Variants in CNTN5 observed in about 807,000 individuals in gnomAD.
CNTN5 encodes contactin 5.
Under a neutral mutation model 129.1 loss-of-function variants are expected in CNTN5, and 77 were observed. The observed-to-expected ratio is 0.60, with a 90% CI of 0.50 to 0.72. CNTN5 has a LOEUF of 0.72. Ranked by LOEUF, CNTN5 falls within the 30% of genes least tolerant of loss-of-function variation. The probability of loss-of-function intolerance (pLI) is 0.00; values close to 1 mark genes in which losing one functional copy is unlikely to be tolerated. For missense variants in CNTN5, 1,478 were observed against 1,328.8 expected (o/e 1.11, Z -1.75); for synonymous variants, 509 against 465.6 (o/e 1.09, Z -1.20).
chr11:100,191,209 A>C lies in CNTN5; in HGVS notation c.1664A>C (p.Asn555Thr). The change falls in exon 14 of 25, where the codon AAC becomes ACC. Residue 555 changes from asparagine (N) to threonine (T), a missense_variant. Transcript: ENST00000524871. ...DEGKYVCRGE[N>T]VFGSAEIIAS... ...GGAAAGTACGTTTGCCGAGGGGAAA[A>C]CGTCTTTGGTTCTGCTGAAATTATA... 1 of 1,612,726 alleles carries C rather than the reference A, an allele frequency of 6.2e-7. No homozygotes were observed. The highest frequency in any genetic ancestry group is 1.3e-5 in the African/African-American group (1 of 74,984).
intron 2 of CNTN5, among the ~76,000 whole-genome samples, chr11:99,478,793 G>A (rs2135303456): frequency 6.6e-6 from 1 of 152,140 alleles, no homozygotes; most frequent in South Asian, 2.1e-4. Context: ...GCTATAGAGT[G>A]ATGTTTCCTA....
chr11:99,090,065 G>A (rs1402342294), intron 1 of CNTN5, among the ~76,000 whole-genome samples: 1 of 152,094 alleles, frequency 6.6e-6, no homozygotes, highest in Non-Finnish European at 1.5e-5. Context: ...TATAATAAGT[G>A]CTTAATAAAT....
chr11:100,142,212 C>G (rs898067237), intron 13 of CNTN5, among the ~76,000 whole-genome samples: 6 of 152,138 alleles, frequency 3.9e-5, no homozygotes, highest in African/African-American at 1.4e-4. Context: ...ACCAGGATTT[C>G]TGGGTCACCA....
intron 15 of CNTN5, among the ~76,000 whole-genome samples, chr11:100,219,883 T>C (rs1281792591): frequency 6.6e-6 from 1 of 152,182 alleles, no homozygotes; most frequent in African/African-American, 2.4e-5. Context: ...AAAAACAATA[T>C]TAAAACCCAT....
At chr11:100,335,534 G>A (rs1176168626) in intron 21 of CNTN5, among the ~76,000 whole-genome samples, 5 of 152,104 alleles carry the variant, frequency 3.3e-5, no homozygotes, top group East Asian at 1.9e-4. Context: ...TTGGGAAGCC[G>A]AGGCAGGTGG....
At chr11:99,948,128 T>A (rs1377571) in intron 7 of CNTN5, among the ~76,000 whole-genome samples, 7,972 of 152,284 alleles carry the variant, frequency 0.052, 247 homozygotes, top group Non-Finnish European at 0.074. Context: ...ACTGTCATCT[T>A]GTGGACTGCC....
At chr11:100,171,438 C>G (rs1183028819) in intron 13 of CNTN5, among the ~76,000 whole-genome samples, 1 of 151,982 alleles carries the variant, frequency 6.6e-6, no homozygotes, top group African/African-American at 2.4e-5. Context: ...CAATTCTTTA[C>G]GAATATTTGT....
At chr11:100,118,372 G>A (rs1348047560) in intron 13 of CNTN5, among the ~76,000 whole-genome samples, 1 of 151,714 alleles carries the variant, frequency 6.6e-6, no homozygotes, top group Non-Finnish European at 1.5e-5. Flanking sequence ...GATGTGAAAG[G>A]CAGTACTGCT....
chr11:100,190,472 TAAC>T (rs972101879), intron 13 of CNTN5, among the ~76,000 whole-genome samples: 1 of 152,300 alleles, frequency 6.6e-6, no homozygotes, highest in East Asian at 1.9e-4. Flanking sequence ...TAAAAATTTT[TAAC>T]AACGCTTTAA....
At chr11:99,391,681 T>C (rs936816951) in intron 2 of CNTN5, among the ~76,000 whole-genome samples, 6 of 152,054 alleles carry the variant, frequency 3.9e-5, no homozygotes, top group African/African-American at 1.4e-4. Flanking sequence ...AGTTTTATGT[T>C]GAATTGAGAT....
intron 1 of CNTN5, among the ~76,000 whole-genome samples, chr11:99,032,264 T>C (rs1863430452): frequency 6.6e-6 from 1 of 151,936 alleles, no homozygotes; most frequent in Non-Finnish European, 1.5e-5. Flanking sequence ...TGATTTATAG[T>C]CCTTTGGGTA....
At chr11:99,808,409 A>G (rs1442234546) in intron 3 of CNTN5, among the ~76,000 whole-genome samples, 1 of 152,210 alleles carries the variant, frequency 6.6e-6, no homozygotes. Flanking sequence ...CAGGTATTTA[A>G]TCTGTTAAAT....
chr11:99,130,379 T>C (rs1161699582), intron 1 of CNTN5, among the ~76,000 whole-genome samples: 3 of 152,154 alleles, frequency 2.0e-5, no homozygotes, highest in Admixed American at 6.5e-5. Flanking sequence ...AGACATTACA[T>C]AATGGCGTAA....
intron 23 of CNTN5, among the ~76,000 whole-genome samples, chr11:100,341,483 C>CCAG (rs1382959996): frequency 5.9e-5 from 9 of 152,142 alleles, no homozygotes; most frequent in African/African-American, 2.2e-4. Flanking sequence ...GATATTAGGA[C>CCAG]CAGCAGAATT....
At chr11:99,986,468 T>C (rs1938684970) in intron 8 of CNTN5, among the ~76,000 whole-genome samples, 1 of 152,222 alleles carries the variant, frequency 6.6e-6, no homozygotes, top group Non-Finnish European at 1.5e-5. Flanking sequence ...AATAATAAAC[T>C]GTTCTTGACA....
intron 1 of CNTN5, among the ~76,000 whole-genome samples, chr11:99,256,014 G>A (rs1199312382): frequency 6.6e-6 from 1 of 151,936 alleles, no homozygotes; most frequent in East Asian, 1.9e-4. Context: ...ATGATCAGTA[G>A]GCTAGAAATA....
intron 3 of CNTN5, among the ~76,000 whole-genome samples, chr11:99,791,545 C>T (rs1945743300): frequency 6.6e-6 from 1 of 151,626 alleles, no homozygotes; most frequent in South Asian, 2.1e-4. Context: ...GAAGTTGGGT[C>T]ACGTGATGCC....
intron 3 of CNTN5, among the ~76,000 whole-genome samples, chr11:99,738,026 C>T (rs534101494): frequency 2.0e-5 from 3 of 152,236 alleles, no homozygotes; most frequent in South Asian, 2.1e-4. Context: ...AAACAGAAAA[C>T]GTCTATGCAG....
intron 3 of CNTN5, among the ~76,000 whole-genome samples, chr11:99,813,219 A>G (rs548472575): frequency 2.6e-5 from 4 of 152,250 alleles, no homozygotes; most frequent in African/African-American, 9.6e-5. Flanking sequence ...AATGCGAGGG[A>G]TTATGTGTAC....
Sources: gnomAD v4.1 joint callset for allele counts (sites outside exome capture counted in the v4.1 genomes callset) on GRCh38, gnomAD v4.1.1 for gene constraint, MANE v1.5 for transcripts, NCBI Gene and HGNC (gene_info 2026-07-23, HGNC 2026-07-21) for gene names.